The following ODC1 variants were observed in gnomAD, a reference collection of about 807,000 sequenced individuals.
ODC1 encodes ornithine decarboxylase.
A neutral mutation model predicts 41.5 loss-of-function variants in ODC1; 18 were observed. The ratio of observed to expected loss-of-function variants is 0.43; its 90% CI spans 0.30 to 0.64. The LOEUF is 0.64. ODC1 is among the 30% of genes least tolerant of loss of function. The pLI is 0.11. For synonymous variants in ODC1, 218 were observed against 211.6 expected (o/e 1.03, Z -0.26); for missense variants, 504 against 589.0 (o/e 0.86, Z 1.49).
chr2:10,443,304 C>A lies in ODC1; in HGVS notation c.676G>T (p.Gly226Cys). Residue 226 changes from glycine (G) to cysteine (C), a missense_variant, in exon 8 of 12, where the codon GGT (glycine) becomes TGT (cysteine). Physicochemically the swap from Gly to Cys is radical, Grantham distance 159 (BLOSUM62 -3). Around this residue, in one of 3 missense-constraint regions of ODC1, gnomAD observed 447 missense variants for 524.4 expected, o/e 0.85. Transcript: ENST00000234111. ...ATATCAAGCAGATACATGCTGAAAC[C>A]AACCTCAGCCTAGAATCAAGAAAAT... ...RCVFDMGAEV[G>C]FSMYLLDIGG... is the part of the protein sequence containing the mutation. 1 of 1,610,724 alleles carries A rather than the reference C, an allele frequency of 6.2e-7. No individual in the cohort carries two copies. Among genetic ancestry groups the A allele is most frequent in the African/African-American group, 1.3e-5 (1 of 74,702 alleles).
Position 10,443,280 on chromosome 2 carries a change from T to C in ODC1, c.700A>G (p.Ile234Val). 1 of 1,612,532 alleles carries C rather than the reference T, an allele frequency of 6.2e-7. No homozygotes were observed. Among genetic ancestry groups the C allele is most frequent in the Non-Finnish European group, 8.5e-7 (1 of 1,179,672 alleles). ...TCAGATCCAGGAAAGCCACCGCCAA[T>C]ATCAAGCAGATACATGCTGAAACCA... Reference protein sequence around the residue: ...EVGFSMYLLDIGGGFPGSEDV... With the variant: ...EVGFSMYLLDVGGGFPGSEDV... Residue 234 changes from isoleucine to valine, a missense_variant, in exon 8 of 12, where the codon ATT (isoleucine) becomes GTT (valine). Ile to Val is a conservative substitution (Grantham distance 29, BLOSUM62 3). Coordinates refer to ENST00000234111, the MANE Select transcript of ODC1 (RefSeq NM_002539.3).
In ODC1 at chr2:10,443,827, C is replaced by T. The variant is rs1671921626; in HGVS notation, c.459G>A (p.Leu153=). The change falls in exon 6 of 12, where the codon TTG becomes TTA. Residue 153 remains leucine, a synonymous_variant. Coordinates refer to ENST00000234111, the MANE Select transcript of ODC1 (RefSeq NM_002539.3). The part of the protein sequence containing the change: ...ARAHPKAKLV[L]RIATDDSKAV... The stretch of plus-strand genomic sequence containing the variant: ...CTTTGGAATCATCAGTGGCAATCCG[C>T]AAAACCAACCTACAAGCAAGGAAAG... 6.2e-7 allele frequency: 1 copy of T among 1,613,904 alleles called. No individual in the cohort carries two copies. Among genetic ancestry groups the T allele is most frequent in the Non-Finnish European group, 8.5e-7 (1 of 1,179,814 alleles).
chr2:10,444,317 G>C, intron 4 of ODC1, 50 bp from the exon 5 acceptor site: 4 of 1,529,264 alleles, frequency 2.6e-6, no homozygotes, highest in Non-Finnish European at 3.5e-6. Context: ...TTAACACGTG[G>C]AATAAACAGA....
At chr2:10,444,755 G>A in intron 3 of ODC1, 108 bp from the exon 4 acceptor site, 1 of 999,040 alleles carries the variant, frequency 1.0e-6, no homozygotes, top group Non-Finnish European at 1.5e-6. Flanking sequence ...GCTCTTTTGA[G>A]TCTAGCCACT....
rs1401732316 is a variant in ODC1 at position 10,448,169 on chromosome 2, G to A, written c.-176C>T. On this transcript the variant is annotated 5_prime_UTR_variant, in exon 1 of 12. Coordinates refer to ENST00000234111, the MANE Select transcript of ODC1 (RefSeq NM_002539.3). ...GCCAGCCCCATGGGGAAGCGCAGAC[G>A]CCGGAGCCTGAGTCGCAGCCGCAGG... The A allele has an allele frequency of 2.2e-5, 4 of 181,914 alleles. No individual in the cohort carries two copies. Among genetic ancestry groups the A allele is most frequent in the Admixed American group, 1.8e-4 (3 of 16,226 alleles). 11.3% of individuals were successfully genotyped at this position (181,914 alleles called of 1,614,324 possible).
At chr2:10,446,025 G>A (rs1672000420) in intron 1 of ODC1, among the ~76,000 whole-genome samples, 2 of 152,064 alleles carry the variant, frequency 1.3e-5, no homozygotes, top group African/African-American at 2.4e-5. Context: ...GAGATTTTAC[G>A]AGTTAATTTT....
Position 10,441,790 on chromosome 2 carries a change from GTTTTA to G in ODC1, c.1026+22_1026+26del, listed in dbSNP as rs781554184. ...CGTGTTGTGACCAGTCCTCTTAATT[GTTTTA>G]TACAGTATGCTCAGAAATTACCTTT... On this transcript the variant is annotated intron_variant, in intron 10 of 11. Transcript: ENST00000234111. 3 of 1,612,408 alleles carry G rather than the reference GTTTTA, an allele frequency of 1.9e-6. No individual in the cohort carries two copies. The South Asian group carries it at 3.3e-5, about 18-fold the overall frequency.
intron 1 of ODC1, chr2:10,446,825 G>A (rs1201111431): frequency 1.2e-5 from 4 of 322,874 alleles, no homozygotes; most frequent in Admixed American, 4.4e-5. Flanking sequence ...AGGGTGACGG[G>A]CCTGTCATAA....
intron 4 of ODC1, 31 bp from the exon 5 acceptor site, chr2:10,444,298 A>G: frequency 6.4e-7 from 1 of 1,551,440 alleles, no homozygotes; most frequent in Non-Finnish European, 8.7e-7. Context: ...CATGCTATCC[A>G]TATGTGGCTT....
rs1282180203 is a variant in ODC1 at position 10,441,691 on chromosome 2, G to A, written c.1059C>T (p.Ser353=). ...CATCACATGTTGGTCCCCATATGCT[G>A]GATGAATAATACTTCTCATCTGGTT... The part of the protein sequence containing the change: ...RPKPDEKYYS[S]SIWGPTCDGL... The change falls in exon 11 of 12, where the codon TCC becomes TCT. Residue 353 remains serine, a synonymous_variant. Coordinates refer to ENST00000234111, the MANE Select transcript of ODC1 (RefSeq NM_002539.3). 6.2e-7 allele frequency: 1 copy of A among 1,614,112 alleles called. No homozygotes were observed. The highest frequency in any genetic ancestry group is 1.7e-5 in the Admixed American group (1 of 60,004).
rs781120656 is a variant in ODC1 at position 10,440,888 on chromosome 2, A to G, written c.1242-20T>C. On this transcript the variant is annotated intron_variant, in intron 11 of 11. Transcript: ENST00000234111. ...AGTTGCCTGAGAAAGAAAAAGTGGC[A>G]TATTAAAAACCCTGACTCACTCCTA... The G allele has an allele frequency of 1.2e-6, 2 of 1,613,536 alleles. No individual in the cohort carries two copies. Among genetic ancestry groups the G allele is most frequent in the Non-Finnish European group, 1.7e-6 (2 of 1,179,844 alleles).
chr2:10,441,851 T>TA lies in ODC1; in HGVS notation c.991dup (p.Tyr331LeufsTer2). Reference sequence around the variant, plus strand: ...AAGGGGCTTTACATGTGCGTGGTCATAGAGTATGCAATTAAATGATCCATA... The same window carrying TA: ...AAGGGGCTTTACATGTGCGTGGTCATAAGAGTATGCAATTAAATGATCCATA... On this transcript the variant is annotated frameshift_variant, in exon 10 of 12. Transcript: ENST00000234111. LOFTEE classifies it high-confidence loss of function. The TA allele has an allele frequency of 6.2e-7, 1 of 1,614,160 alleles. No homozygotes were observed. Among genetic ancestry groups the TA allele is most frequent in the Non-Finnish European group, 8.5e-7 (1 of 1,180,004 alleles).
Position 10,448,292 on chromosome 2 carries a change from C to T in ODC1, c.-299G>A, listed in dbSNP as rs1194753462. ...GCCGGAGCTGCTGGCAGAGGGGCGG[C>T]GGGCGGCGGCGGCGGCGGCTACAGG... On this transcript the variant is annotated 5_prime_UTR_variant, in exon 1 of 12. Transcript: ENST00000234111. 8.1e-6 allele frequency: 2 copies of T among 245,954 alleles called. No individual in the cohort carries two copies. Among genetic ancestry groups the T allele is most frequent in the East Asian group, 7.2e-5 (1 of 13,884 alleles). 15.2% of individuals were successfully genotyped at this position (245,954 alleles called of 1,614,324 possible).
At chr2:10,444,324 CA>C in intron 4 of ODC1, 57 bp from the exon 5 acceptor site, 1 of 1,527,106 alleles carries the variant, frequency 6.5e-7, no homozygotes, top group South Asian at 1.3e-5. Context: ...GTGGAATAAA[CA>C]GAAAAGCATG....
rs374811349 is a variant in ODC1, at chr2:10,443,623, A to G, written c.585-52T>C. The G allele has an allele frequency of 1.5e-5, 24 of 1,605,488 alleles. No homozygotes were observed. The African/African-American group carries it at 2.4e-4, about 16-fold the overall frequency. Reference sequence around the variant, plus strand: ...CTGTGTCTTAGTATTTCTTAAAATAATAGCAAACACTAGGAGAAAGCCTGT... The same window carrying G: ...CTGTGTCTTAGTATTTCTTAAAATAGTAGCAAACACTAGGAGAAAGCCTGT... On this transcript the variant is annotated intron_variant, in intron 6 of 11. Coordinates refer to ENST00000234111, the MANE Select transcript of ODC1 (RefSeq NM_002539.3).
chr2:10,444,869 C>T (rs1671956472), intron 3 of ODC1, 62 bp downstream of exon 3: 1 of 1,269,608 alleles, frequency 7.9e-7, no homozygotes, highest in Non-Finnish European at 1.1e-6. Flanking sequence ...TAGACCTTGC[C>T]AAAGTTTTCC....
intron 7 of ODC1, 45 bp downstream of exon 7, chr2:10,443,443 TTG>T: frequency 6.3e-7 from 1 of 1,581,748 alleles, no homozygotes; most frequent in South Asian, 1.1e-5. Flanking sequence ...AGACTAGTTA[TTG>T]TCAGTTGTGT....
intron 6 of ODC1, 40 bp from the exon 7 acceptor site, chr2:10,443,611 T>C (rs761240909): frequency 6.2e-7 from 1 of 1,607,212 alleles, no homozygotes; most frequent in Non-Finnish European, 8.5e-7. Context: ...TGTCTTAGTA[T>C]TTCTTAAAAT....
chr2:10,447,324 A>C (rs377353326), intron 1 of ODC1: 1 of 152,238 alleles, frequency 6.6e-6, no homozygotes, highest in Non-Finnish European at 1.5e-5. Flanking sequence ...AAATTTCACA[A>C]ATCAATTAAA....
Sources: gnomAD v4.1 joint callset for allele counts (sites outside exome capture counted in the v4.1 genomes callset) on GRCh38, gnomAD v4.1.1 for gene constraint, gnomAD v4.1.1 regional missense constraint, MANE v1.5 for transcripts, NCBI Gene and HGNC (gene_info 2026-07-23, HGNC 2026-07-21) for gene names.